Variants in R3HDM1 observed in about 807,000 individuals in gnomAD.
R3HDM1 encodes the protein R3H domain-containing protein 1.
R3HDM1 carries 46 observed loss-of-function variants against 141.1 expected under a neutral mutation model. That is an observed-to-expected ratio of 0.33 (90% CI 0.26 to 0.42). The LOEUF is 0.42. Ranked by LOEUF, R3HDM1 falls within the 10% of genes least tolerant of loss-of-function variation. R3HDM1 has a pLI of 1.00. For missense variants in R3HDM1, 1,184 were observed against 1,368.3 expected, an observed-to-expected ratio of 0.87 and a Z score of 2.12; for synonymous variants, 435 against 472.9, an observed-to-expected ratio of 0.92 and a Z score of 1.04.
intron 21 of R3HDM1, among the ~76,000 whole-genome samples, chr2:135,692,117 G>A (rs1288166772): frequency 1.3e-5 from 2 of 151,886 alleles, no homozygotes; most frequent in Admixed American, 1.3e-4. Flanking sequence ...TCACCATGTT[G>A]TCCAGGCAGG....
chr2:135,688,702 C>T (rs1004646921), intron 21 of R3HDM1, among the ~76,000 whole-genome samples: 2 of 152,124 alleles, frequency 1.3e-5, no homozygotes, highest in South Asian at 2.1e-4. Flanking sequence ...TTTGGGAGGC[C>T]GAGGCGGGTG....
At chr2:135,720,574 C>T (rs2076605873) in intron 24 of R3HDM1, among the ~76,000 whole-genome samples, 1 of 152,208 alleles carries the variant, frequency 6.6e-6, no homozygotes, top group African/African-American at 2.4e-5. Flanking sequence ...TGATAGAAAG[C>T]AATTGGAAGA....
chr2:135,619,589 A>T (rs993748872), intron 5 of R3HDM1: 1 of 221,202 alleles, frequency 4.5e-6, no homozygotes, highest in Non-Finnish European at 7.6e-6. Flanking sequence ...TCCTCTGAAT[A>T]AAAGATACTT....
intron 18 of R3HDM1, among the ~76,000 whole-genome samples, chr2:135,656,028 C>A (rs996569778): frequency 6.6e-6 from 1 of 152,020 alleles, no homozygotes; most frequent in Non-Finnish European, 1.5e-5. Flanking sequence ...ATTTCATATT[C>A]TATTGTTTTG....
chr2:135,616,902 A>G (rs966127674), intron 5 of R3HDM1, 145 bp downstream of exon 5: 5 of 673,574 alleles, frequency 7.4e-6, no homozygotes, highest in African/African-American at 5.5e-5. Flanking sequence ...AGATATATGA[A>G]AAGTTAGAAA....
At chr2:135,624,581 C>T (rs1277484268) in intron 7 of R3HDM1, among the ~76,000 whole-genome samples, 1 of 152,084 alleles carries the variant, frequency 6.6e-6, no homozygotes, top group South Asian at 2.1e-4. Context: ...CCAAAAAGAC[C>T]TATAAAACGG....
At chr2:135,657,766 C>A (rs1262672786) in intron 18 of R3HDM1, among the ~76,000 whole-genome samples, 1 of 152,166 alleles carries the variant, frequency 6.6e-6, no homozygotes, top group Non-Finnish European at 1.5e-5. Flanking sequence ...GGTATTTATT[C>A]TTCACCCCAA....
At chr2:135,581,405 T>C (rs1315817587) in intron 1 of R3HDM1, 1 of 982,800 alleles carries the variant, frequency 1.0e-6, no homozygotes, top group Non-Finnish European at 1.2e-6. Context: ...TCTATAATTA[T>C]CTGTGTAGTC....
In R3HDM1 at chr2:135,619,097, A is replaced by G. The variant is rs188412533; in HGVS notation, c.303+2340A>G. On this transcript the variant is annotated intron_variant, in intron 5 of 26. Transcript: ENST00000683871. Reference sequence around the variant, plus strand: ...GCCTGTTTGGGATGGAGTAGTAGGCAGTGTAATGTTTTTGAAAATTCATTT... The same window carrying G: ...GCCTGTTTGGGATGGAGTAGTAGGCGGTGTAATGTTTTTGAAAATTCATTT... Among the ~76,000 whole-genome samples, 5 of 152,164 alleles carry G rather than the reference A, an allele frequency of 3.3e-5. No homozygotes were observed. In the East Asian group the frequency reaches 9.6e-4, roughly 29 times the overall value.
chr2:135,563,337 C>T (rs979916953), intron 1 of R3HDM1, among the ~76,000 whole-genome samples: 3 of 152,148 alleles, frequency 2.0e-5, no homozygotes, highest in Admixed American at 1.3e-4. Flanking sequence ...TGGTGCATTT[C>T]CTGATTTGCT....
chr2:135,651,637 T>G, intron 17 of R3HDM1, 93 bp from the exon 18 acceptor site: 1 of 1,483,324 alleles, frequency 6.7e-7, no homozygotes, highest in Middle Eastern at 1.9e-4. Flanking sequence ...ATGTGTACTA[T>G]TGCATCTTAT....
chr2:135,620,794 A>G (rs1314924391), intron 5 of R3HDM1: 2 of 254,792 alleles, frequency 7.8e-6, no homozygotes, highest in Non-Finnish European at 6.2e-6. Context: ...GGGTTCTGGA[A>G]TTACATGTAA....
chr2:135,568,498 G>A (rs895160186), intron 1 of R3HDM1, among the ~76,000 whole-genome samples: 4 of 151,656 alleles, frequency 2.6e-5, no homozygotes, highest in South Asian at 2.1e-4. Context: ...TACAGTGTCC[G>A]TCACTACACC....
intron 1 of R3HDM1, among the ~76,000 whole-genome samples, chr2:135,548,111 A>C (rs1198630673): frequency 6.6e-6 from 1 of 152,132 alleles, no homozygotes; most frequent in Non-Finnish European, 1.5e-5. Context: ...TGATGCATAG[A>C]ATGCTAAGTA....
chr2:135,602,436 C>T, intron 1 of R3HDM1, 64 bp from the exon 2 acceptor site: 1 of 1,074,212 alleles, frequency 9.3e-7, no homozygotes, highest in Non-Finnish European at 1.2e-6. Context: ...TTCTCAGTTT[C>T]ATGTGGAGTG....
chr2:135,636,120 C>A lies in R3HDM1; in HGVS notation c.840C>A (p.Ser280Arg). The A allele has an allele frequency of 1.2e-6, 2 of 1,612,776 alleles. No homozygotes were observed. ...MRIRLKDDRR[S>R]KSIEEREEEY... ...TACGTTTGAAAGATGACAGAAGAAG[C>A]AAATCTATAGAAGAAAGAGAAGAAG... The change falls in exon 11 of 27, where the codon AGC becomes AGA. Residue 280 changes from serine to arginine, a missense_variant. Ser to Arg is a moderately radical substitution (Grantham distance 110). This residue lies in a region of R3HDM1 where 240 missense variants were observed against 312.3 expected (regional missense o/e 0.77). Coordinates refer to ENST00000683871, the MANE Select transcript of R3HDM1 (RefSeq NM_001378107.1).
intron 21 of R3HDM1, among the ~76,000 whole-genome samples, chr2:135,707,109 G>A (rs953163342): frequency 2.0e-5 from 3 of 152,220 alleles, no homozygotes; most frequent in Non-Finnish European, 4.4e-5. Context: ...GGGGATAAAT[G>A]GGATTATTTG....
intron 23 of R3HDM1, among the ~76,000 whole-genome samples, chr2:135,710,893 A>C (rs2075550105): frequency 6.6e-6 from 1 of 152,240 alleles, no homozygotes; most frequent in African/African-American, 2.4e-5. Context: ...GTAGAATTAG[A>C]AAATTGCCAG....
intron 1 of R3HDM1, among the ~76,000 whole-genome samples, chr2:135,543,583 A>G (rs1473458257): frequency 6.6e-6 from 1 of 152,164 alleles, no homozygotes; most frequent in Non-Finnish European, 1.5e-5. Flanking sequence ...TTTAAAAAAT[A>G]TTAAATGAGA....
Sources: gnomAD v4.1 joint callset for allele counts (sites outside exome capture counted in the v4.1 genomes callset) on GRCh38, gnomAD v4.1.1 for gene constraint, gnomAD v4.1.1 regional missense constraint, MANE v1.5 for transcripts, NCBI Gene and HGNC (gene_info 2026-07-23, HGNC 2026-07-21) for gene names.